Variants in FGL1 observed in about 807,000 individuals in gnomAD.
FGL1 encodes the protein fibrinogen like 1, also known as fibrinogen-like protein 1.
Under a neutral mutation model 43.7 loss-of-function variants are expected in FGL1, and 59 were observed. That is an observed-to-expected ratio of 1.35 (90% CI 1.10 to 1.68). The LOEUF is 1.68. Among genes scored for constraint, FGL1 ranks in the 40% most tolerant of loss-of-function variants. The probability of loss-of-function intolerance (pLI) is 0.00; values close to 1 mark genes in which losing one functional copy is unlikely to be tolerated. For synonymous variants in FGL1, 192 were observed against 126.5 expected (o/e 1.52, Z -3.48); for missense variants, 596 against 373.0 (o/e 1.60, Z -4.92).
rs1189523023 is a variant in FGL1, at chr8:17,882,063, G to C, written c.180C>G (p.Val60=). ...KIKQLLQENE[V]QFLDKGDENT... is the part of the protein sequence containing the mutation. Reference sequence around the variant, plus strand: ...TCTCATCTCCTTTATCAAGGAACTGGACTTCATTCTCCTGCAAAAGCTGCT... The same window carrying C: ...TCTCATCTCCTTTATCAAGGAACTGCACTTCATTCTCCTGCAAAAGCTGCT... The change falls in exon 3 of 8, where the codon GTC becomes GTG. Residue 60 remains valine (V), a synonymous_variant. Coordinates refer to ENST00000427924, the MANE Select transcript of FGL1 (RefSeq NM_004467.4). 1 of 1,613,980 alleles carries C rather than the reference G, an allele frequency of 6.2e-7. No individual in the cohort carries two copies. Among genetic ancestry groups the C allele is most frequent in the Non-Finnish European group, 8.5e-7 (1 of 1,179,984 alleles).
chr8:17,883,357 T>C lies in FGL1; in HGVS notation c.64-1178A>G, dbSNP rs1387578832. Among the ~76,000 whole-genome samples, 6 of 40,144 alleles carry C rather than the reference T, an allele frequency of 1.5e-4. No homozygotes were observed. The East Asian group carries it at 5.3e-3, about 35-fold the overall frequency. The allele number at this position is 40,144 out of a possible 152,430, so 26.3% of individuals were successfully genotyped here. ...TATTAAATAATATATAATATAATAA[T>C]AATATATAATATATAAAATAATATA... On this transcript the variant is annotated intron_variant, in intron 2 of 7. Transcript: ENST00000427924.
intron 3 of FGL1, among the ~76,000 whole-genome samples, chr8:17,876,341 C>G (rs112892812): frequency 6.0e-4 from 91 of 151,964 alleles, no homozygotes; most frequent in African/African-American, 2.0e-3. Flanking sequence ...GGTGAATAGG[C>G]CATAGACATC....
intron 7 of FGL1, among the ~76,000 whole-genome samples, chr8:17,867,806 G>A (rs897428240): frequency 5.9e-5 from 9 of 152,158 alleles, no homozygotes; most frequent in African/African-American, 1.7e-4. Flanking sequence ...GGCAGGGTGC[G>A]GTGGCTCACG....
At chr8:17,883,960 T>TTTTC (rs2053590190) in intron 2 of FGL1, among the ~76,000 whole-genome samples, 1 of 148,980 alleles carries the variant, frequency 6.7e-6, no homozygotes, top group African/African-American at 2.5e-5. Context: ...CCTTCCTTTC[T>TTTTC]TTTCTTTCCT....
Position 17,882,189 on chromosome 8 carries a change from A to G in FGL1, c.64-10T>C, listed in dbSNP as rs2053547539. Reference sequence around the variant, plus strand: ...CACAGTCCTCGAGCGCCTGCAAAACAGGTGAGATGAGATGAGTATGCACCT... The same window carrying G: ...CACAGTCCTCGAGCGCCTGCAAAACGGGTGAGATGAGATGAGTATGCACCT... On this transcript the variant is annotated splice_polypyrimidine_tract_variant and intron_variant, in intron 2 of 7. Transcript: ENST00000427924. 2 of 1,610,542 alleles carry G rather than the reference A, an allele frequency of 1.2e-6. No individual in the cohort carries two copies. Among genetic ancestry groups the G allele is most frequent in the African/African-American group, 2.7e-5 (2 of 74,922 alleles).
rs748907060 is a variant in FGL1 at position 17,864,509 on chromosome 8, C to T, written c.*83G>A. ...CTACTCACAACAGTTATCATGATTG[C>T]GCATGGATATGTTCAGAATGAGTAT... On this transcript the variant is annotated 3_prime_UTR_variant, in exon 8 of 8. Coordinates refer to ENST00000427924, the MANE Select transcript of FGL1 (RefSeq NM_004467.4). 4.3e-5 allele frequency: 60 copies of T among 1,399,680 alleles called. No homozygotes were observed. The highest frequency in any genetic ancestry group is 2.7e-4 in the Middle Eastern group (1 of 3,748). The allele number at this position is 1,399,680 out of a possible 1,614,324, so 86.7% of individuals were successfully genotyped here.
Position 17,868,684 on chromosome 8 carries a change from G to C in FGL1, c.643C>G (p.Leu215Val). 6.2e-7 allele frequency: 1 copy of C among 1,613,794 alleles called. No homozygotes were observed. The highest frequency in any genetic ancestry group is 8.5e-7 in the Non-Finnish European group (1 of 1,179,916). Residue 215 changes from leucine (L) to valine (V), a missense_variant, in exon 7 of 8, where the codon CTT becomes GTT. Physicochemically the swap from Leu to Val is conservative, Grantham distance 32. Transcript: ENST00000427924. ...ACCTCAGGATGAAAATTCCCCGCAA[G>C]GGAATCTCCAGCTGTTCCAGAATAT... ...GEYSGTAGDSLAGNFHPEVQW... is the reference protein window; with the variant it reads ...GEYSGTAGDSVAGNFHPEVQW...
rs1585153706 is a variant in FGL1, at chr8:17,891,540, G to A, written c.-18+3907C>T. 6 of 263,724 alleles carry A rather than the reference G, an allele frequency of 2.3e-5. No individual in the cohort carries two copies. The South Asian group carries it at 7.3e-4, about 32-fold the overall frequency. 16.3% of individuals were successfully genotyped at this position (263,724 alleles called of 1,614,324 possible). A position where few individuals can be genotyped will look rare whatever the true frequency, so the allele number is the denominator to read the frequency against. On this transcript the variant is annotated intron_variant, in intron 1 of 7. Transcript: ENST00000427924. ...TGACCTCATCTTAACTCAGTTACAT[G>A]TACAAAGACCCTATTTGCAAATGAG...
chr8:17,895,241 T>C (rs1801286325), intron 1 of FGL1: 1 of 926,574 alleles, frequency 1.1e-6, no homozygotes, highest in South Asian at 3.9e-5. Context: ...TGTATATCTG[T>C]ATATTTGTAT....
intron 5 of FGL1, among the ~76,000 whole-genome samples, chr8:17,872,446 T>C (rs1269284146): frequency 6.6e-6 from 1 of 151,934 alleles, no homozygotes; most frequent in Non-Finnish European, 1.5e-5. Flanking sequence ...GGGATTACAG[T>C]GCTGTGCCAC....
At chr8:17,878,930 G>A (rs2517312) in intron 3 of FGL1, among the ~76,000 whole-genome samples, 13,395 of 135,230 alleles carry the variant, frequency 0.099, 1,022 homozygotes, top group African/African-American at 0.22. Flanking sequence ...TACTTTATTG[G>A]AATTTTTATG....
chr8:17,864,681 C>A lies in FGL1; in HGVS notation c.850G>T (p.Val284Phe), dbSNP rs767968176. The A allele has an allele frequency of 1.9e-6, 3 of 1,613,720 alleles. No individual in the cohort carries two copies. The South Asian group carries it at 3.3e-5, about 18-fold the overall frequency. Reference sequence around the variant, plus strand: ...CACCACCCATGCCAGGTGTACCAGACAATCCCATTGTCTGTTTTAGCCGTG... The same window carrying A: ...CACCACCCATGCCAGGTGTACCAGAAAATCCCATTGTCTGTTTTAGCCGTG... Reference protein sequence around the residue: ...PYTAKTDNGIVWYTWHGWWYS... With the variant: ...PYTAKTDNGIFWYTWHGWWYS... The change falls in exon 8 of 8, where the codon GTC (valine) becomes TTC (phenylalanine). Residue 284 changes from valine (V) to phenylalanine (F), a missense_variant. By Grantham distance (50) the Val-to-Phe change is conservative (BLOSUM62 -1). Transcript: ENST00000427924.
intron 3 of FGL1, among the ~76,000 whole-genome samples, chr8:17,879,992 C>T (rs1208170930): frequency 6.6e-6 from 1 of 152,178 alleles, no homozygotes; most frequent in South Asian, 2.1e-4. Context: ...GAGTTCCTCG[C>T]CCTTGAGATC....
chr8:17,893,450 TA>T (rs2053734753), intron 1 of FGL1, among the ~76,000 whole-genome samples: 1 of 150,150 alleles, frequency 6.7e-6, no homozygotes, highest in South Asian at 2.1e-4. Flanking sequence ...TTATATAAGG[TA>T]TATAAATATT....
At position 17,885,823 on chromosome 8, in the gene FGL1, G is replaced by A. The variant is rs531462200; in HGVS notation, c.-17-252C>T. The A allele has an allele frequency of 1.7e-4, 73 of 427,990 alleles. 1 individual carries two copies. The South Asian group carries it at 1.7e-3, about 10-fold the overall frequency. 26.5% of individuals were successfully genotyped at this position (427,990 alleles called of 1,614,324 possible). ...CTGGTTCTTTTCGCTATCCTAATGT[G>A]CTGTTTGTGTTATGCTGTGGAAAGG... On this transcript the variant is annotated intron_variant, in intron 1 of 7. Coordinates refer to ENST00000427924, the MANE Select transcript of FGL1 (RefSeq NM_004467.4).
intron 1 of FGL1, among the ~76,000 whole-genome samples, chr8:17,886,658 T>A (rs1222560152): frequency 6.6e-6 from 1 of 152,092 alleles, no homozygotes; most frequent in African/African-American, 2.4e-5. Context: ...CTCGGGAGGC[T>A]GAGGCAGGAG....
chr8:17,868,741 G>C lies in FGL1; in HGVS notation c.592-6C>G. The C allele has an allele frequency of 6.2e-7, 1 of 1,602,820 alleles. No individual in the cohort carries two copies. The highest frequency in any genetic ancestry group is 8.5e-7 in the Non-Finnish European group (1 of 1,175,424). Reference sequence around the variant, plus strand: ...ATATTCAACTCGTAGAAATTCTAAAGAAAAAGGGCATTTCTGCTGTCAGTG... The same window carrying C: ...ATATTCAACTCGTAGAAATTCTAAACAAAAAGGGCATTTCTGCTGTCAGTG... On this transcript the variant is annotated splice_polypyrimidine_tract_variant and splice_region_variant and intron_variant, in intron 6 of 7. Transcript: ENST00000427924.
chr8:17,892,141 A>C (rs2053714270), intron 1 of FGL1, among the ~76,000 whole-genome samples: 1 of 152,176 alleles, frequency 6.6e-6, no homozygotes, highest in Non-Finnish European at 1.5e-5. Flanking sequence ...TTGTGTCTTT[A>C]ACTATCTAAT....
chr8:17,870,676 G>T (rs35978984), intron 5 of FGL1, among the ~76,000 whole-genome samples: 8 of 152,262 alleles, frequency 5.3e-5, no homozygotes, highest in African/African-American at 1.9e-4. Context: ...TCACACCCAA[G>T]TTGGGTGGAT....
Sources: gnomAD v4.1 joint callset for allele counts (sites outside exome capture counted in the v4.1 genomes callset) on GRCh38, gnomAD v4.1.1 for gene constraint, MANE v1.5 for transcripts, NCBI Gene and HGNC (gene_info 2026-07-23, HGNC 2026-07-21) for gene names.